The following FLNA variants were observed in gnomAD, a reference collection of about 807,000 sequenced individuals.
The protein encoded by FLNA is filamin-A.
Under a neutral mutation model 157.6 loss-of-function variants are expected in FLNA, and 7 were observed. That is an observed-to-expected ratio of 0.04 (90% CI 0.03 to 0.08). The LOEUF (loss-of-function observed/expected upper bound fraction) is 0.08, where lower values mean the gene tolerates loss of function less well. Among genes scored for constraint, FLNA ranks in the 10% least tolerant of loss-of-function variants. The pLI, the probability that FLNA is intolerant of heterozygous loss-of-function variation, is 1.00. For synonymous variants in FLNA, 1,103 were observed against 1,060.8 expected, an observed-to-expected ratio of 1.04 and a Z score of -0.77; for missense variants, 1,750 against 2,398.4, an observed-to-expected ratio of 0.73 and a Z score of 5.65.
At position 154,374,546 on chromosome X, in the gene FLNA, G is replaced by A. The variant is rs1277598804; in HGVS notation, c.-157C>T. On this transcript the variant is annotated 5_prime_UTR_variant, in exon 1 of 48. Transcript: ENST00000369850. ...GCGACCGGTGACCGATGACCGCGGG[G>A]TGGCGCCCGGATCGCCTTCGCGCCC... is the stretch of plus-strand genomic sequence containing the variant. The A allele has an allele frequency of 1.8e-5, 2 of 112,179 alleles. No individual in the cohort carries two copies. Among genetic ancestry groups the A allele is most frequent in the Non-Finnish European group, 3.8e-5 (2 of 52,746 alleles). 9.2% of individuals were successfully genotyped at this position (112,179 alleles called of 1,213,427 possible). A position where few individuals can be genotyped will look rare whatever the true frequency, so the allele number is the denominator to read the frequency against.
chrX:154,366,118 G>A lies in FLNA; in HGVS notation c.1335C>T (p.Ser445=), dbSNP rs1569551828. 6 of 1,210,507 alleles carry A rather than the reference G, an allele frequency of 5.0e-6. No homozygotes were observed. The highest frequency in any genetic ancestry group is 6.7e-6 in the Non-Finnish European group (6 of 895,148). The change falls in exon 9 of 48, where the codon AGC becomes AGT. Residue 445 remains serine, a synonymous_variant. Coordinates refer to ENST00000369850, the MANE Select transcript of FLNA (RefSeq NM_001110556.2). The stretch of plus-strand genomic sequence containing the variant: ...GGACGCCCTCCATGGTGGGCTGGTA[G>A]CTGCAGCGGTATGTGCTGTCGCCCC... ...EARGDSTYRC[S]YQPTMEGVHT...
chrX:154,368,698 C>T (rs925491049), intron 2 of FLNA, among the ~76,000 whole-genome samples: 6 of 113,068 alleles, frequency 5.3e-5, no homozygotes, highest in African/African-American at 1.3e-4. Flanking sequence ...CCCACTTCCT[C>T]TACCACCTCG....
intron 26 of FLNA, 147 bp from the exon 27 acceptor site, chrX:154,358,715 C>G (rs1401677726): frequency 1.3e-5 from 10 of 784,795 alleles, no homozygotes; most frequent in Non-Finnish European, 1.9e-5. Flanking sequence ...TTGACCCCCT[C>G]TGGCACGAAA....
At position 154,359,890 on chromosome X, in the gene FLNA, G is replaced by T; in HGVS notation, c.3821C>A (p.Ala1274Asp). ...GGCGTCCACACTGAACTCAGTGGTG[G>T]CCTCACGGAAGACACCTGCAAAGGC... Reference protein sequence around the residue: ...GIEGQGVFREATTEFSVDARA... With the variant: ...GIEGQGVFREDTTEFSVDARA... Residue 1274 changes from alanine to aspartate, a missense_variant, in exon 23 of 48, where the codon GCC becomes GAC. By Grantham distance (126) the Ala-to-Asp change is moderately radical (BLOSUM62 -2). Around this residue, in one of 5 missense-constraint regions of FLNA, gnomAD observed 970 missense variants for 1,302.6 expected, o/e 0.74. Coordinates refer to ENST00000369850, the MANE Select transcript of FLNA (RefSeq NM_001110556.2). 8.3e-7 allele frequency: 1 copy of T among 1,210,869 alleles called. No homozygotes were observed. The highest frequency in any genetic ancestry group is 1.8e-5 in the South Asian group (1 of 56,976).
chrX:154,360,102 G>A lies in FLNA; in HGVS notation c.3693C>T (p.Val1231=), dbSNP rs782361028. Residue 1231 remains valine, a synonymous_variant, in exon 22 of 48, where the codon GTC becomes GTT. Transcript: ENST00000369850. ...YIPLCPGAYT[V]TIKYGGQPVP... is the part of the protein sequence containing the mutation. Reference sequence around the variant, plus strand: ...CGGGCTGGCCGCCGTACTTGATGGTGACGGTGTAGGCCCCGGGGCAGAGGG... The same window carrying A: ...CGGGCTGGCCGCCGTACTTGATGGTAACGGTGTAGGCCCCGGGGCAGAGGG... 8.3e-7 allele frequency: 1 copy of A among 1,210,136 alleles called. No homozygotes were observed. Among genetic ancestry groups the A allele is most frequent in the African/African-American group, 1.7e-5 (1 of 57,654 alleles).
chrX:154,367,779 C>A (rs782195469), intron 3 of FLNA, 41 bp from the exon 4 acceptor site: 4 of 1,210,611 alleles, frequency 3.3e-6, no homozygotes, highest in Admixed American at 2.2e-5. Flanking sequence ...GGCCGCAGAA[C>A]CCCCTCAAGG....
Position 154,361,682 on chromosome X carries a change from C to T in FLNA, c.2932G>A (p.Gly978Ser). Residue 978 changes from glycine to serine, a missense_variant, in exon 20 of 48, where the codon GGC becomes AGC. Physicochemically the swap from Gly to Ser is moderately conservative, Grantham distance 56. Around this residue, in one of 5 missense-constraint regions of FLNA, gnomAD observed 648 missense variants for 805.8 expected, o/e 0.80. Transcript: ENST00000369850. ...CCCAACTACTTACTCTCTCCCAGGC[C>T]AGACACCTTGATCTTGCTGAGGTCC... is the stretch of plus-strand genomic sequence containing the variant. ...SLDLSKIKVS[G>S]LGEKVDVGKD... The T allele has an allele frequency of 1.7e-6, 2 of 1,210,084 alleles. No individual in the cohort carries two copies. Among genetic ancestry groups the T allele is most frequent in the Non-Finnish European group, 2.2e-6 (2 of 893,996 alleles).
Position 154,359,627 on chromosome X carries a change from C to T in FLNA, c.3999G>A (p.Val1333=). The change falls in exon 24 of 48, where the codon GTG becomes GTA. Residue 1333 remains valine (V), a synonymous_variant. Transcript: ENST00000369850. ...TGGGCACGGGACTGCCGTCATAGGT[C>T]ACGTCCACGGAGTGCAGTCCTGGAG... ...PYEEGLHSVD[V]TYDGSPVPSS... The T allele has an allele frequency of 8.3e-7, 1 of 1,211,052 alleles. No homozygotes were observed. The highest frequency in any genetic ancestry group is 1.1e-6 in the Non-Finnish European group (1 of 895,436).
In FLNA at chrX:154,354,886, T is replaced by C. The variant is rs782502175; in HGVS notation, c.5156A>G (p.Lys1719Arg). Residue 1719 changes from lysine to arginine, a missense_variant, in exon 31 of 48, where the codon AAA becomes AGA. Physicochemically the swap from Lys to Arg is conservative, Grantham distance 26 (BLOSUM62 2). Around this residue, in one of 5 missense-constraint regions of FLNA, gnomAD observed 970 missense variants for 1,302.6 expected, o/e 0.74. Coordinates refer to ENST00000369850, the MANE Select transcript of FLNA (RefSeq NM_001110556.2). ...DIFYTAPQPG[K>R]YVICVRFGGE... is the part of the protein sequence containing the mutation. ...ACCAAAGCGCACACAGATGACGTAT[T>C]TGCCCGGCTGGGGGGCCGTGTAGAA... 3.3e-6 allele frequency: 4 copies of C among 1,212,040 alleles called. No homozygotes were observed. Among genetic ancestry groups the C allele is most frequent in the African/African-American group, 1.7e-5 (1 of 58,007 alleles).
intron 15 of FLNA, among the ~76,000 whole-genome samples, chrX:154,363,680 T>C (rs1384834871): frequency 8.9e-6 from 1 of 111,830 alleles, no homozygotes; most frequent in Non-Finnish European, 1.9e-5. Context: ...GCCATTGCAC[T>C]CCAGCCTGGG....
chrX:154,351,275 C>T (rs1291472646), intron 43 of FLNA: 5 of 449,282 alleles, frequency 1.1e-5, no homozygotes, highest in East Asian at 3.7e-5. Context: ...GGGAGGGCTG[C>T]CCCACCCTGT....
rs5986975 is a variant in FLNA at position 154,370,625 on chromosome X, G to C, written c.373+248C>G. Among the ~76,000 whole-genome samples, 408 of 113,088 alleles carry C rather than the reference G, an allele frequency of 3.6e-3. 2 individuals carry two copies. The highest frequency in any genetic ancestry group is 0.012 in the African/African-American group (384 of 31,300). On this transcript the variant is annotated intron_variant, in intron 2 of 47. Coordinates refer to ENST00000369850, the MANE Select transcript of FLNA (RefSeq NM_001110556.2). Reference sequence around the variant, plus strand: ...GAGGCGCGGCCTGCGGAGGATGTGAGTTCAGCCTGGGCGCCGGCCAGCCGG... The same window carrying C: ...GAGGCGCGGCCTGCGGAGGATGTGACTTCAGCCTGGGCGCCGGCCAGCCGG...
chrX:154,353,411 G>A lies in FLNA; in HGVS notation c.5907C>T (p.Ala1969=), dbSNP rs375906241. The change falls in exon 37 of 48, where the codon GCC becomes GCT. Residue 1969 remains alanine, a synonymous_variant. Transcript: ENST00000369850. The stretch of plus-strand genomic sequence containing the variant: ...TCTCTGAGATGTTGATGGGGATGTC[G>A]GCAGCAGAGCCGACCTTTAGGTGGG... ...RMSHLKVGSA[A]DIPINISETD... 6.9e-5 allele frequency: 84 copies of A among 1,210,476 alleles called. No individual in the cohort carries two copies. In the South Asian group the frequency reaches 1.3e-3, roughly 19 times the overall value.
intron 9 of FLNA, 39 bp downstream of exon 9, chrX:154,365,985 T>G: frequency 3.5e-6 from 4 of 1,152,343 alleles, no homozygotes; most frequent in Non-Finnish European, 4.7e-6. Flanking sequence ...AGGCCCAGAC[T>G]GCAGTGCCAC....
chrX:154,371,452 A>G (rs2148122532), intron 1 of FLNA, 91 bp from the exon 2 acceptor site: 3 of 400,317 alleles, frequency 7.5e-6, no homozygotes, highest in East Asian at 4.5e-5. Flanking sequence ...TGGGGCTTCG[A>G]GGGCGCGCCT....
In FLNA at chrX:154,364,068, G is replaced by A. The variant is rs1557178609; in HGVS notation, c.2234C>T (p.Ala745Val). Residue 745 changes from alanine (A) to valine (V), a missense_variant, in exon 15 of 48, where the codon GCC (alanine) becomes GTC (valine). Ala to Val is a moderately conservative substitution (Grantham distance 64). This residue lies in a region of FLNA where 648 missense variants were observed against 805.8 expected (regional missense o/e 0.80). Transcript: ENST00000369850. ...YVPRKPVKHTAMVSWGGVSIP... is the reference protein window; with the variant it reads ...YVPRKPVKHTVMVSWGGVSIP... ...GCTGACGCCTCCCCAGGACACCATG[G>A]CTGTGTGCTTCACCGGCTTCCTGGG... 8.3e-7 allele frequency: 1 copy of A among 1,211,277 alleles called. No homozygotes were observed. The highest frequency in any genetic ancestry group is 1.8e-5 in the South Asian group (1 of 57,047).
At chrX:154,354,083 T>A in intron 34 of FLNA, 40 bp from the exon 35 acceptor site, 1 of 1,211,819 alleles carries the variant, frequency 8.3e-7, no homozygotes, top group Non-Finnish European at 1.1e-6. Flanking sequence ...GGCAGCCTCG[T>A]GTGTCCCCCA....
intron 1 of FLNA, among the ~76,000 whole-genome samples, chrX:154,371,762 C>G (rs782721378): frequency 2.7e-5 from 3 of 113,021 alleles, no homozygotes; most frequent in Non-Finnish European, 3.8e-5. Flanking sequence ...GGCTCTGCCC[C>G]GTCCCTGCAC....
chrX:154,367,291 G>A, intron 5 of FLNA, 106 bp downstream of exon 5: 1 of 909,120 alleles, frequency 1.1e-6, no homozygotes, highest in Non-Finnish European at 1.5e-6. Context: ...TGATCACCTA[G>A]CCGCCATGTA....
Sources: allele counts gnomAD v4.1 joint callset (sites outside exome capture counted in the v4.1 genomes callset), GRCh38; gene constraint gnomAD v4.1.1; regional missense constraint gnomAD v4.1.1; transcripts MANE v1.5; gene names NCBI Gene and HGNC (gene_info 2026-07-23, HGNC 2026-07-21).